Variants in PPP2R5D observed in about 807,000 individuals in gnomAD.
PPP2R5D encodes serine/threonine-protein phosphatase 2A 56 kDa regulatory subunit delta isoform.
A neutral mutation model predicts 79.1 loss-of-function variants in PPP2R5D; 12 were observed. The observed-to-expected ratio is 0.15, with a 90% CI of 0.10 to 0.25. The LOEUF (loss-of-function observed/expected upper bound fraction) is 0.25. PPP2R5D is among the 10% of genes least tolerant of loss of function. PPP2R5D has a pLI of 1.00. For missense variants in PPP2R5D, 419 were observed against 760.2 expected (o/e 0.55, Z 5.28); for synonymous variants, 277 against 286.6 (o/e 0.97, Z 0.34).
At chr6:42,993,710 G>A (rs1000705108) in intron 2 of PPP2R5D, among the ~76,000 whole-genome samples, 1 of 152,154 alleles carries the variant, frequency 6.6e-6, no homozygotes, top group African/African-American at 2.4e-5. Context: ...CTCTGTCTCT[G>A]TCCAAATTTT....
At position 43,009,399 on chromosome 6, in the gene PPP2R5D, C is replaced by T; in HGVS notation, c.1329C>T (p.Leu443=). Reference sequence around the variant, plus strand: ...TAAGTGACAATGCTGCCCGAGTCCTCCCCATCATGTTCCCTGCACTCTACA... The same window carrying T: ...TAAGTGACAATGCTGCCCGAGTCCTTCCCATCATGTTCCCTGCACTCTACA... ...SLISDNAARV[L]PIMFPALYRN... The change falls in exon 12 of 16, where the codon CTC becomes CTT. Residue 443 remains leucine (L), a synonymous_variant. Transcript: ENST00000485511. This position sits in a 1 kb window ranked among gnomAD's most constrained non-coding sequence, Gnocchi z 5.6. The T allele has an allele frequency of 1.2e-6, 2 of 1,614,152 alleles. No homozygotes were observed. Among genetic ancestry groups the T allele is most frequent in the East Asian group, 4.5e-5 (2 of 44,886 alleles).
intron 1 of PPP2R5D, among the ~76,000 whole-genome samples, chr6:42,987,953 C>T (rs371517538): frequency 6.6e-6 from 1 of 152,018 alleles, no homozygotes; most frequent in African/African-American, 2.4e-5. Context: ...CTGCCTGCAC[C>T]CTGCCCCCGG....
chr6:42,993,702 CTG>C (rs1230517977), intron 2 of PPP2R5D, among the ~76,000 whole-genome samples: 1 of 152,208 alleles, frequency 6.6e-6, no homozygotes, highest in Non-Finnish European at 1.5e-5. Context: ...CCATGTGTCT[CTG>C]TCTCTGTCCA....
chr6:42,995,860 C>T (rs138888754), intron 2 of PPP2R5D, among the ~76,000 whole-genome samples: 158 of 148,250 alleles, frequency 1.1e-3, no homozygotes, highest in Middle Eastern at 3.8e-3. Flanking sequence ...GCTGCAGGCA[C>T]GAGCCTGTGA....
rs1209908803 is a variant in PPP2R5D, at chr6:43,009,127, TGGA to T, written c.1156_1158del (p.Glu386del). The T allele has an allele frequency of 6.2e-7, 1 of 1,614,146 alleles. No individual in the cohort carries two copies. Among genetic ancestry groups the T allele is most frequent in the Non-Finnish European group, 8.5e-7 (1 of 1,180,028 alleles). On this transcript the variant is annotated inframe_deletion, in exon 11 of 16. Transcript: ENST00000485511. This position sits in a 1 kb window ranked among gnomAD's most constrained non-coding sequence, Gnocchi z 5.6. ...AAGGAGGTGATGTTCTTGAATGAGCTGGAGGAGATTCTGGACGTCATTGAACCT... is the reference window on the plus strand; with the variant it reads ...AAGGAGGTGATGTTCTTGAATGAGCTGGAGATTCTGGACGTCATTGAACCT...
chr6:42,998,678 G>C (rs1039902436), intron 2 of PPP2R5D, among the ~76,000 whole-genome samples: 1 of 151,702 alleles, frequency 6.6e-6, no homozygotes, highest in East Asian at 1.9e-4. Context: ...CGGGTGGATT[G>C]CTTGAGCTCC....
chr6:43,009,855 G>T lies in PPP2R5D; in HGVS notation c.1379+406G>T, dbSNP rs1296936130. Among the ~76,000 whole-genome samples the T allele has an allele frequency of 6.6e-6, 1 of 152,110 alleles. No individual in the cohort carries two copies. Among genetic ancestry groups the T allele is most frequent in the Non-Finnish European group, 1.5e-5 (1 of 68,026 alleles). On this transcript the variant is annotated intron_variant, in intron 12 of 15. Transcript: ENST00000485511. The surrounding 1 kb of genome is among the most constrained non-coding windows in gnomAD (Gnocchi z 5.6). ...GCTGGCAAGGCGGGTGGATCACGAG[G>T]TCAGGAGTTTGAGACCAGCCTGCCC...
rs534567279 is a variant in PPP2R5D, at chr6:43,002,256, C to G, written c.106-4207C>G. ...TCAGCTCACTGCAACCTCTGCCTCC[C>G]GAGTTCAAGAGATTCTCCTGCCCCA... is the stretch of plus-strand genomic sequence containing the variant. On this transcript the variant is annotated intron_variant, in intron 2 of 15. Transcript: ENST00000485511. Among the ~76,000 whole-genome samples the G allele has an allele frequency of 6.6e-5, 10 of 152,006 alleles. No individual in the cohort carries two copies. The South Asian group carries it at 1.9e-3, about 28-fold the overall frequency.
Position 43,010,989 on chromosome 6 carries a change from G to A in PPP2R5D, c.1663G>A (p.Ala555Thr). The A allele has an allele frequency of 6.2e-7, 1 of 1,613,932 alleles. No individual in the cohort carries two copies. The highest frequency in any genetic ancestry group is 8.5e-7 in the Non-Finnish European group (1 of 1,179,816). Reference protein sequence around the residue: ...QLLKRTVETEAVQMLKDIKKE... With the variant: ...QLLKRTVETETVQMLKDIKKE... ...TCTGAAGAGGACTGTGGAGACTGAGGCTGTTCAGGTGGGAGGGCAATGTAG... is the reference window on the plus strand; with the variant it reads ...TCTGAAGAGGACTGTGGAGACTGAGACTGTTCAGGTGGGAGGGCAATGTAG... The change falls in exon 15 of 16, where the codon GCT becomes ACT. Residue 555 changes from alanine (A) to threonine (T), a missense_variant. By Grantham distance (58) the Ala-to-Thr change is moderately conservative (BLOSUM62 0). This residue lies in a region of PPP2R5D where 84 missense variants were observed against 105.4 expected (regional missense o/e 0.80). Coordinates refer to ENST00000485511, the MANE Select transcript of PPP2R5D (RefSeq NM_006245.4). This position sits in a 1 kb window ranked among gnomAD's most constrained non-coding sequence, Gnocchi z 4.7.
Position 43,012,123 on chromosome 6 carries a change from T to C in PPP2R5D, c.*837T>C, listed in dbSNP as rs1252622707. On this transcript the variant is annotated 3_prime_UTR_variant, in exon 16 of 16. Coordinates refer to ENST00000485511, the MANE Select transcript of PPP2R5D (RefSeq NM_006245.4). ...GCCAACACCTATTTATTTCCTTGTT[T>C]GTGCTATGCTGGGCAGGCCTTCTCT... The C allele has an allele frequency of 2.4e-6, 2 of 817,598 alleles. No individual in the cohort carries two copies. Among genetic ancestry groups the C allele is most frequent in the East Asian group, 2.0e-4 (2 of 10,094 alleles). The allele number at this position is 817,598 out of a possible 1,614,324, so 50.6% of individuals were successfully genotyped here. A position where few individuals can be genotyped will look rare whatever the true frequency, so the allele number is the denominator to read the frequency against.
In PPP2R5D at chr6:43,011,488, T is replaced by C. The variant is rs1442804123; in HGVS notation, c.*202T>C. Reference sequence around the variant, plus strand: ...CCCAAAAGGTGTTCATGCCTCCCTGTGGCTAGTACAGGCTGAGCACTAAGA... The same window carrying C: ...CCCAAAAGGTGTTCATGCCTCCCTGCGGCTAGTACAGGCTGAGCACTAAGA... On this transcript the variant is annotated 3_prime_UTR_variant, in exon 16 of 16. Coordinates refer to ENST00000485511, the MANE Select transcript of PPP2R5D (RefSeq NM_006245.4). 1.5e-6 allele frequency: 1 copy of C among 672,788 alleles called. No homozygotes were observed. 41.7% of individuals were successfully genotyped at this position (672,788 alleles called of 1,614,324 possible).
Position 43,008,681 on chromosome 6 carries a change from A to G in PPP2R5D, c.1027-12A>G, listed in dbSNP as rs757318873. 3.7e-6 allele frequency: 6 copies of G among 1,613,562 alleles called. No individual in the cohort carries two copies. The Middle Eastern group carries it at 4.9e-4, about 133-fold the overall frequency. ...CTACACCTCACCTCCCTTCTACCTC[A>G]CACCTTTGCAGCTGGCATACTGTGT... is the stretch of plus-strand genomic sequence containing the variant. On this transcript the variant is annotated splice_polypyrimidine_tract_variant and intron_variant, in intron 9 of 15. Transcript: ENST00000485511. This position sits in a 1 kb window ranked among gnomAD's most constrained non-coding sequence, Gnocchi z 4.2.
At chr6:43,001,421 G>A (rs1437604298) in intron 2 of PPP2R5D, among the ~76,000 whole-genome samples, 6 of 152,190 alleles carry the variant, frequency 3.9e-5, no homozygotes, top group African/African-American at 1.2e-4. Context: ...TTGCAGGCAT[G>A]AGCCACTGTG....
At chr6:42,987,361 ACCT>A (rs767675439) in intron 1 of PPP2R5D, among the ~76,000 whole-genome samples, 2 of 151,990 alleles carry the variant, frequency 1.3e-5, no homozygotes, top group Non-Finnish European at 2.9e-5. Context: ...TCTGGGACTT[ACCT>A]CTTTTATTTT....
chr6:42,989,673 C>T lies in PPP2R5D; in HGVS notation c.90C>T (p.Gly30=). ...GCAGCTCGGGCAAGGATGGTGGAGG[C>T]GAGAACACTGAGGAGGTAATGAATG... The part of the protein sequence containing the change: ...KPSSSGKDGG[G]ENTEEAQPQP... Residue 30 remains glycine (G), a synonymous_variant, in exon 2 of 16, where the codon GGC becomes GGT. Transcript: ENST00000485511. 1 of 1,613,658 alleles carries T rather than the reference C, an allele frequency of 6.2e-7. No homozygotes were observed. The highest frequency in any genetic ancestry group is 8.5e-7 in the Non-Finnish European group (1 of 1,179,720).
intron 2 of PPP2R5D, among the ~76,000 whole-genome samples, chr6:43,005,823 T>C (rs986574497): frequency 3.9e-5 from 6 of 152,130 alleles, no homozygotes; most frequent in Non-Finnish European, 8.8e-5. Flanking sequence ...GGTTTCACCA[T>C]GTTGGCCTGG....
In PPP2R5D at chr6:43,012,298, G is replaced by A. The variant is rs1425328123; in HGVS notation, c.*1012G>A. ...TGCTAAGGTGGGTTGGGCTTGGACC[G>A]ATGTCCCCATATGTACAGAACTGAA... On this transcript the variant is annotated 3_prime_UTR_variant, in exon 16 of 16. Transcript: ENST00000485511. 3.6e-6 allele frequency: 5 copies of A among 1,380,748 alleles called. No homozygotes were observed. Among genetic ancestry groups the A allele is most frequent in the South Asian group, 3.9e-5 (2 of 51,228 alleles). The allele number at this position is 1,380,748 out of a possible 1,614,324, so 85.5% of individuals were successfully genotyped here.
rs755694068 is a variant in PPP2R5D, at chr6:43,010,580, C to G, written c.1481+11C>G. Reference sequence around the variant, plus strand: ...GGCAGAGAAGCAGAAGTGAGTATCTCTCTCCCCGGGAGACTTTCATCTTCT... The same window carrying G: ...GGCAGAGAAGCAGAAGTGAGTATCTGTCTCCCCGGGAGACTTTCATCTTCT... On this transcript the variant is annotated intron_variant, in intron 13 of 15. Transcript: ENST00000485511. This position sits in a 1 kb window ranked among gnomAD's most constrained non-coding sequence, Gnocchi z 4.7. 6.2e-7 allele frequency: 1 copy of G among 1,613,470 alleles called. No individual in the cohort carries two copies. The highest frequency in any genetic ancestry group is 8.5e-7 in the Non-Finnish European group (1 of 1,179,418).
Position 43,009,559 on chromosome 6 carries a change from T to G in PPP2R5D, c.1379+110T>G, listed in dbSNP as rs149691642. The G allele has an allele frequency of 9.7e-4, 1,391 of 1,437,062 alleles. 8 individuals carry two copies. In the African/African-American group the frequency reaches 0.018, roughly 18 times the overall value. 89.0% of individuals were successfully genotyped at this position (1,437,062 alleles called of 1,614,324 possible). On this transcript the variant is annotated intron_variant, in intron 12 of 15. Coordinates refer to ENST00000485511, the MANE Select transcript of PPP2R5D (RefSeq NM_006245.4). This position sits in a 1 kb window ranked among gnomAD's most constrained non-coding sequence, Gnocchi z 5.6. ...CACCTAGTCACCCAGCAAGTGGGGC[T>G]GATGTCCCCTGCATGTTGATAGGAC...
Sources: allele counts gnomAD v4.1 joint callset (sites outside exome capture counted in the v4.1 genomes callset), GRCh38; gene constraint gnomAD v4.1.1; regional missense constraint gnomAD v4.1.1; non-coding constraint Gnocchi (gnomAD v3.1); transcripts MANE v1.5; gene names NCBI Gene and HGNC (gene_info 2026-07-23, HGNC 2026-07-21).